The following ADCY8 variants were observed in gnomAD, a reference collection of about 807,000 sequenced individuals.
ADCY8 encodes adenylate cyclase type 8.
A neutral mutation model predicts 119.7 loss-of-function variants in ADCY8; 51 were observed. The ratio of observed to expected loss-of-function variants is 0.43; its 90% confidence interval spans 0.34 to 0.54. The LOEUF is 0.54. ADCY8 is among the 20% of genes least tolerant of loss of function. The pLI, the probability that ADCY8 is intolerant of heterozygous loss-of-function variation, is 0.03. For missense variants in ADCY8, 1,383 were observed against 1,598.8 expected (o/e 0.87, Z 2.30); for synonymous variants, 665 against 651.0 (o/e 1.02, Z -0.33).
chr8:130,789,630 T>C (rs1274151951), intron 15 of ADCY8, among the ~76,000 whole-genome samples: 1 of 152,238 alleles, frequency 6.6e-6, no homozygotes, highest in Non-Finnish European at 1.5e-5. Flanking sequence ...GTCAATATTT[T>C]GTCCCCATTT....
chr8:130,958,636 T>C (rs1010160611), intron 2 of ADCY8, among the ~76,000 whole-genome samples: 1 of 152,170 alleles, frequency 6.6e-6, no homozygotes, highest in Admixed American at 6.5e-5. Flanking sequence ...CTCATGTTTA[T>C]AGAACCATCA....
chr8:130,826,414 AT>A (rs1816669143), intron 12 of ADCY8, among the ~76,000 whole-genome samples: 1 of 152,148 alleles, frequency 6.6e-6, no homozygotes, highest in Non-Finnish European at 1.5e-5. Context: ...AACTAAAACA[AT>A]TTTAGGTCAG....
In ADCY8 at chr8:130,992,416, TATATATATA is replaced by T. The variant is rs1563759125; in HGVS notation, c.961-1883_961-1875del. On this transcript the variant is annotated intron_variant, in intron 1 of 17. Transcript: ENST00000286355. ...ATATATATATATATATATATATATA[TATATATATA>T]TATATTTGAGATAGGGTCTCACTCT... Among the ~76,000 whole-genome samples the T allele has an allele frequency of 1.3e-4, 17 of 127,542 alleles. 1 individual carries two copies. The highest frequency in any genetic ancestry group is 5.2e-4 in the African/African-American group (16 of 30,550). The allele number at this position is 127,542 out of a possible 152,430, so 83.7% of individuals were successfully genotyped here. A position where few individuals can be genotyped will look rare whatever the true frequency, so the allele number is the denominator to read the frequency against.
At chr8:130,814,008 G>T in intron 14 of ADCY8, 61 bp downstream of exon 14, 1 of 1,589,450 alleles carries the variant, frequency 6.3e-7, no homozygotes, top group South Asian at 1.1e-5. Context: ...GGATCAATGT[G>T]AACAACTGCA....
chr8:130,801,706 G>T (rs1480645484), intron 14 of ADCY8, among the ~76,000 whole-genome samples: 2 of 152,054 alleles, frequency 1.3e-5, no homozygotes, highest in Non-Finnish European at 2.9e-5. Context: ...ATCTCAGACT[G>T]GAATGAAATG....
chr8:130,843,308 A>G (rs2130287403), intron 11 of ADCY8, among the ~76,000 whole-genome samples: 1 of 152,314 alleles, frequency 6.6e-6, no homozygotes, highest in East Asian at 1.9e-4. Context: ...TGATCCTTCC[A>G]GATGGTTCTT....
intron 2 of ADCY8, among the ~76,000 whole-genome samples, chr8:130,982,243 C>A (rs148668167): frequency 1.4e-4 from 22 of 152,272 alleles, no homozygotes; most frequent in Admixed American, 9.2e-4. Context: ...CACTCAAAAC[C>A]TTCCTGGCAA....
Position 130,800,455 on chromosome 8 carries a change from G to T in ADCY8, c.3031C>A (p.Leu1011Ile). 1 of 1,614,188 alleles carries T rather than the reference G, an allele frequency of 6.2e-7. No individual in the cohort carries two copies. Among genetic ancestry groups the T allele is most frequent in the Non-Finnish European group, 8.5e-7 (1 of 1,180,032 alleles). ...NNQGVECLRL[L>I]NEIIADFDEL... ...TCGAAGTCAGCAATGATCTCATTGA[G>T]CAAGCGCAGGCATTCCACTCCCTGG... Residue 1011 changes from leucine (L) to isoleucine (I), a missense_variant, in exon 15 of 18, where the codon CTC becomes ATC. By Grantham distance (5) the Leu-to-Ile change is conservative (BLOSUM62 2). This residue lies in a region of ADCY8 where 928 missense variants were observed against 1,163.5 expected (regional missense o/e 0.80). Transcript: ENST00000286355.
At chr8:130,840,785 C>G (rs886892178) in intron 11 of ADCY8, among the ~76,000 whole-genome samples, 2 of 151,948 alleles carry the variant, frequency 1.3e-5, no homozygotes, top group Non-Finnish European at 2.9e-5. Context: ...TCTGTTTTTT[C>G]CCAGACCTTT....
chr8:130,941,938 T>A (rs1820968603), intron 4 of ADCY8, among the ~76,000 whole-genome samples: 1 of 152,222 alleles, frequency 6.6e-6, no homozygotes, highest in African/African-American at 2.4e-5. Flanking sequence ...CAAACCCATG[T>A]CTGTCTGACT....
intron 12 of ADCY8, among the ~76,000 whole-genome samples, chr8:130,823,865 G>C (rs1299701349): frequency 6.6e-6 from 1 of 152,112 alleles, no homozygotes; most frequent in Non-Finnish European, 1.5e-5. Context: ...GGATTGCATA[G>C]CTCTCATACT....
In ADCY8 at chr8:130,879,657, A is replaced by G. The variant is rs1200562757; in HGVS notation, c.2109+4907T>C. Among the ~76,000 whole-genome samples, 3 of 152,322 alleles carry G rather than the reference A, an allele frequency of 2.0e-5. No individual in the cohort carries two copies. The East Asian group carries it at 5.8e-4, about 29-fold the overall frequency. On this transcript the variant is annotated intron_variant, in intron 8 of 17. Transcript: ENST00000286355. ...TAACTATGAGAATAGTCATTACAACATAATTTGTAATTTATAATAGTGAAA... is the reference window on the plus strand; with the variant it reads ...TAACTATGAGAATAGTCATTACAACGTAATTTGTAATTTATAATAGTGAAA...
chr8:130,811,456 A>C (rs895174403), intron 14 of ADCY8, among the ~76,000 whole-genome samples: 35 of 152,212 alleles, frequency 2.3e-4, no homozygotes, highest in Non-Finnish European at 1.5e-5. Context: ...GTCCAAGCCA[A>C]CTGGCTCATT....
chr8:131,039,719 C>G lies in ADCY8; in HGVS notation c.615G>C (p.Ser205=), dbSNP rs756495083. 8 of 1,614,062 alleles carry G rather than the reference C, an allele frequency of 5.0e-6. No homozygotes were observed. Among genetic ancestry groups the G allele is most frequent in the Non-Finnish European group, 6.8e-6 (8 of 1,180,008 alleles). ...TGCCCTTGAGCGGGTCCATGGGGGC[C>G]GAGGCCAGGCTCAAGTGTAGGACCA... ...TLLVLHLSLA[S]APMDPLKGIL... Residue 205 remains serine, a synonymous_variant, in exon 1 of 18, where the codon TCG becomes TCC. Transcript: ENST00000286355.
At chr8:130,929,296 C>G (rs960977529) in intron 5 of ADCY8, among the ~76,000 whole-genome samples, 9 of 152,078 alleles carry the variant, frequency 5.9e-5, no homozygotes, top group African/African-American at 1.9e-4. Flanking sequence ...GTAAACTTCC[C>G]TTATATAACT....
intron 12 of ADCY8, among the ~76,000 whole-genome samples, chr8:130,822,006 C>G (rs1263673974): frequency 2.0e-5 from 3 of 152,102 alleles, no homozygotes; most frequent in Non-Finnish European, 4.4e-5. Context: ...CTTCTATAGA[C>G]CCAGAGAAGC....
Position 130,943,464 on chromosome 8 carries a change from TA to T in ADCY8, c.1242-3del. Reference sequence around the variant, plus strand: ...CCTTTAACATCTGCAAAAAGAATACTAAACACAGGGAAGAGGGTGGGGGTGG... The same window carrying T: ...CCTTTAACATCTGCAAAAAGAATACTAACACAGGGAAGAGGGTGGGGGTGG... On this transcript the variant is annotated splice_region_variant and splice_polypyrimidine_tract_variant and intron_variant, in intron 3 of 17. Coordinates refer to ENST00000286355, the MANE Select transcript of ADCY8 (RefSeq NM_001115.3). The T allele has an allele frequency of 4.2e-6, 2 of 479,440 alleles. No homozygotes were observed. Among genetic ancestry groups the T allele is most frequent in the Non-Finnish European group, 6.3e-6 (2 of 316,690 alleles). The allele number at this position is 479,440 out of a possible 1,614,324, so 29.7% of individuals were successfully genotyped here.
In ADCY8 at chr8:130,946,004, A is replaced by C. The variant is rs574774059; in HGVS notation, c.1242-2542T>G. 5.3e-5 allele frequency among the ~76,000 whole-genome samples: 8 copies of C among 152,354 alleles called. No homozygotes were observed. In the South Asian group the frequency reaches 1.7e-3, roughly 32 times the overall value. On this transcript the variant is annotated intron_variant, in intron 3 of 17. Coordinates refer to ENST00000286355, the MANE Select transcript of ADCY8 (RefSeq NM_001115.3). ...CTGGCATCCATCCTCTTTATTGCTC[A>C]GCTATGCTATTTTTGAAGAAAGAAA...
rs57124349 is a variant in ADCY8, at chr8:130,946,356, A to G, written c.1242-2894T>C. On this transcript the variant is annotated intron_variant, in intron 3 of 17. Coordinates refer to ENST00000286355, the MANE Select transcript of ADCY8 (RefSeq NM_001115.3). The stretch of plus-strand genomic sequence containing the variant: ...TGTTCCAATATCATCAAACTTCTCC[A>G]GGTCTTTCGATCCCACCATACATTA... Among the ~76,000 whole-genome samples, 485 of 152,284 alleles carry G rather than the reference A, an allele frequency of 3.2e-3. 3 individuals carry two copies. The highest frequency in any genetic ancestry group is 0.011 in the African/African-American group (475 of 41,546).
Sources: gnomAD v4.1 joint callset for allele counts (sites outside exome capture counted in the v4.1 genomes callset) on GRCh38, gnomAD v4.1.1 for gene constraint, gnomAD v4.1.1 regional missense constraint, MANE v1.5 for transcripts, NCBI Gene and HGNC (gene_info 2026-07-23, HGNC 2026-07-21) for gene names.